The following CCNJL variants were observed in gnomAD, a reference collection of about 807,000 sequenced individuals.
CCNJL encodes cyclin J like, also known as cyclin-J-like protein.
In CCNJL, 33 loss-of-function variants were observed where a neutral mutation model predicts 33.4. The observed-to-expected ratio is 0.99, with a 90% CI of 0.75 to 1.32. The LOEUF (loss-of-function observed/expected upper bound fraction) is 1.32, where lower values mean the gene tolerates loss of function less well. Among genes scored for constraint, CCNJL ranks in the 40% most tolerant of loss-of-function variants. CCNJL has a pLI of 0.00. For missense variants in CCNJL, 512 were observed against 499.7 expected, an observed-to-expected ratio of 1.02 and a Z score of -0.23; for synonymous variants, 227 against 220.9, an observed-to-expected ratio of 1.03 and a Z score of -0.24.
intron 1 of CCNJL, among the ~76,000 whole-genome samples, chr5:160,320,830 T>C (rs183118789): frequency 0.06 from 7,571 of 125,566 alleles, 302 homozygotes; most frequent in East Asian, 0.14. Flanking sequence ...TCTTTCTTTC[T>C]TTCTTTCTTT....
chr5:160,293,758 A>C lies in CCNJL; in HGVS notation c.67-13020T>G, dbSNP rs75465622. On this transcript the variant is annotated intron_variant, in intron 2 of 5. Transcript: ENST00000257536. ...ACTGAGGCACAGAAGTATAACTGCC[A>C]AGGCCACACTGCAGGTGAGTGGTAA... Among the ~76,000 whole-genome samples, 1,351 of 152,342 alleles carry C rather than the reference A, an allele frequency of 8.9e-3. 20 individuals are homozygous for C. The highest frequency in any genetic ancestry group is 0.03 in the African/African-American group (1,249 of 41,568).
chr5:160,334,036 C>T (rs1763652303), intron 1 of CCNJL, among the ~76,000 whole-genome samples: 1 of 152,202 alleles, frequency 6.6e-6, no homozygotes, highest in South Asian at 2.1e-4. Context: ...GGCCAAAACT[C>T]AGACTCTGTT....
chr5:160,312,693 C>G (rs977296591), upstream of CCNJL: 1 of 151,948 alleles, frequency 6.6e-6, no homozygotes, highest in African/African-American at 2.4e-5. Context: ...AGCTCTGGCT[C>G]CGCTTCCTGC....
In CCNJL at chr5:160,249,770, A is replaced by G. The variant is rs542819948; in HGVS notation, c.*3608T>C. ...AGAGTGAGACCCTGTTTCAAAAAAT[A>G]AATAAATAAATAAATAAATAAATAA... On this transcript the variant is annotated 3_prime_UTR_variant, in exon 6 of 6. Coordinates refer to ENST00000257536, the MANE Select transcript of CCNJL (RefSeq NM_001308173.3). 4 of 83,080 alleles carry G rather than the reference A, an allele frequency of 4.8e-5. No homozygotes were observed. In the South Asian group the frequency reaches 1.6e-3, roughly 34 times the overall value. The allele number at this position is 83,080 out of a possible 1,614,324, so 5.1% of individuals were successfully genotyped here. A position where few individuals can be genotyped will look rare whatever the true frequency, so the allele number is the denominator to read the frequency against.
At chr5:160,285,849 T>A (rs1561792891) in intron 2 of CCNJL, among the ~76,000 whole-genome samples, 1 of 152,214 alleles carries the variant, frequency 6.6e-6, no homozygotes, top group African/African-American at 2.4e-5. Flanking sequence ...CTGAGCAGCC[T>A]TGCATAGAGA....
intron 2 of CCNJL, among the ~76,000 whole-genome samples, chr5:160,296,351 T>C (rs2421778): frequency 0.32 from 48,881 of 152,070 alleles, 9,469 homozygotes; most frequent in African/African-American, 0.55. Context: ...GAATAATGTT[T>C]ACTATGAAAA....
chr5:160,272,535 G>A (rs1199236797), intron 3 of CCNJL, among the ~76,000 whole-genome samples: 1 of 152,186 alleles, frequency 6.6e-6, no homozygotes, highest in Non-Finnish European at 1.5e-5. Flanking sequence ...GCACAGAAGA[G>A]AAGCCCCAAG....
intron 1 of CCNJL, among the ~76,000 whole-genome samples, chr5:160,332,369 C>G (rs1325182047): frequency 6.6e-6 from 1 of 152,190 alleles, no homozygotes; most frequent in Non-Finnish European, 1.5e-5. Context: ...TTACATCTGC[C>G]CTTGCCCCTC....
intron 3 of CCNJL, among the ~76,000 whole-genome samples, chr5:160,270,279 A>C (rs113229987): frequency 0.036 from 5,453 of 152,286 alleles, 322 homozygotes; most frequent in African/African-American, 0.12. Flanking sequence ...CCCTGTCTCT[A>C]CTAAAAATAC....
chr5:160,314,546 T>C (rs1472526286), upstream of CCNJL, among the ~76,000 whole-genome samples: 1 of 152,182 alleles, frequency 6.6e-6, no homozygotes. Flanking sequence ...AAGGCCTAGA[T>C]ACTAAGACAT....
intron 2 of CCNJL, among the ~76,000 whole-genome samples, chr5:160,294,093 G>A (rs1388634692): frequency 6.6e-6 from 1 of 152,168 alleles, no homozygotes; most frequent in Non-Finnish European, 1.5e-5. Context: ...TGACCAACAG[G>A]AAGTGGAGAC....
intron 5 of CCNJL, chr5:160,255,312 CAA>C: frequency 1.0e-5 from 3 of 295,898 alleles, no homozygotes; most frequent in African/African-American, 2.2e-5. Context: ...GACTCTGTCT[CAA>C]AAAAAAAATA....
chr5:160,272,436 A>G (rs990998020), intron 3 of CCNJL, among the ~76,000 whole-genome samples: 2 of 152,198 alleles, frequency 1.3e-5, no homozygotes, highest in African/African-American at 4.8e-5. Context: ...AACAGGCACT[A>G]AAAGCAATCA....
chr5:160,305,123 A>C (rs1763051278), intron 2 of CCNJL, among the ~76,000 whole-genome samples: 3 of 152,030 alleles, frequency 2.0e-5, no homozygotes. Context: ...CAGGTCACTG[A>C]TTTCTATAAG....
intron 3 of CCNJL, among the ~76,000 whole-genome samples, chr5:160,270,798 C>G (rs1319336564): frequency 6.6e-6 from 1 of 152,214 alleles, no homozygotes; most frequent in African/African-American, 2.4e-5. Flanking sequence ...TTAAACTCCT[C>G]AGAAGGCAAG....
At chr5:160,326,218 T>G (rs1223430207) in intron 1 of CCNJL, among the ~76,000 whole-genome samples, 1 of 152,040 alleles carries the variant, frequency 6.6e-6, no homozygotes, top group African/African-American at 2.4e-5. Context: ...GACAAGCCTG[T>G]AATCCAAACA....
rs1761793176 is a variant in CCNJL at position 160,270,518 on chromosome 5, A to AGGGAGCC, written c.280+10000_280+10006dup. 2.6e-5 allele frequency among the ~76,000 whole-genome samples: 4 copies of AGGGAGCC among 152,222 alleles called. No individual in the cohort carries two copies. In the East Asian group the frequency reaches 5.8e-4, roughly 22 times the overall value. Reference sequence around the variant, plus strand: ...CCCAGGTACTGGGAGGCTGAGGTGCAGGGAGCCGTGATCATGCTACTGTAC... The same window carrying AGGGAGCC: ...CCCAGGTACTGGGAGGCTGAGGTGCAGGGAGCCGGGAGCCGTGATCATGCTACTGTAC... On this transcript the variant is annotated intron_variant, in intron 3 of 5. Coordinates refer to ENST00000257536, the MANE Select transcript of CCNJL (RefSeq NM_001308173.3).
chr5:160,285,317 T>C (rs1325393093), intron 2 of CCNJL, among the ~76,000 whole-genome samples: 1 of 152,104 alleles, frequency 6.6e-6, no homozygotes, highest in East Asian at 1.9e-4. Flanking sequence ...CACCATGGAG[T>C]TCAAACTCCT....
At chr5:160,283,930 C>T (rs1762325352) in intron 2 of CCNJL, among the ~76,000 whole-genome samples, 1 of 152,168 alleles carries the variant, frequency 6.6e-6, no homozygotes, top group Non-Finnish European at 1.5e-5. Context: ...CAGTTCCATC[C>T]ATGTTGCAAA....
Sources: gnomAD v4.1 joint callset for allele counts (sites outside exome capture counted in the v4.1 genomes callset) on GRCh38, gnomAD v4.1.1 for gene constraint, MANE v1.5 for transcripts, NCBI Gene and HGNC (gene_info 2026-07-23, HGNC 2026-07-21) for gene names.